Variants in GASK1B observed in about 807,000 individuals in gnomAD.
GASK1B encodes the protein Golgi-associated kinase 1B.
GASK1B carries 34 observed loss-of-function variants against 42.8 expected under a neutral mutation model. The ratio of observed to expected loss-of-function variants is 0.79; its 90% CI spans 0.60 to 1.06. GASK1B has a LOEUF of 1.06. GASK1B is among the 50% of genes least tolerant of loss of function. The pLI is 0.00. For synonymous variants in GASK1B, 262 were observed against 259.1 expected (o/e 1.01, Z -0.11); for missense variants, 686 against 661.0 (o/e 1.04, Z -0.42).
chr4:158,170,569 C>A lies in GASK1B; in HGVS notation c.807G>T (p.Lys269Asn). Residue 269 changes from lysine to asparagine, a missense_variant, in exon 2 of 5, where the codon AAG (lysine) becomes AAT (asparagine). Lys to Asn is a moderately conservative substitution (Grantham distance 94). Coordinates refer to ENST00000585682, the MANE Select transcript of GASK1B (RefSeq NM_001128424.2). ...RCGPSPCGLLKQPLDMSEVFA... is the reference protein window; with the variant it reads ...RCGPSPCGLLNQPLDMSEVFA... ...ACACCTCACTCATGTCCAAGGGCTG[C>A]TTGAGAAGCCCACAGGGGCTAGGGC... 6.2e-7 allele frequency: 1 copy of A among 1,614,186 alleles called. No individual in the cohort carries two copies. The highest frequency in any genetic ancestry group is 8.5e-7 in the Non-Finnish European group (1 of 1,180,038).
chr4:158,136,746 T>C (rs1019515829), intron 3 of GASK1B, among the ~76,000 whole-genome samples: 1 of 152,208 alleles, frequency 6.6e-6, no homozygotes, highest in Admixed American at 6.5e-5. Context: ...CACCATCTCT[T>C]TTCAAATGAT....
intron 3 of GASK1B, among the ~76,000 whole-genome samples, chr4:158,132,342 T>C (rs1730715465): frequency 6.6e-6 from 1 of 152,178 alleles, no homozygotes; most frequent in Non-Finnish European, 1.5e-5. Flanking sequence ...ACCAGCTGCT[T>C]AGAAAGGGAT....
chr4:158,163,881 C>T (rs1230568900), intron 2 of GASK1B, among the ~76,000 whole-genome samples: 3 of 152,160 alleles, frequency 2.0e-5, no homozygotes, highest in African/African-American at 7.2e-5. Flanking sequence ...GGGGCAGTGC[C>T]TCACACATAA....
chr4:158,146,738 T>C (rs1340423039), intron 3 of GASK1B, among the ~76,000 whole-genome samples: 1 of 152,136 alleles, frequency 6.6e-6, no homozygotes, highest in African/African-American at 2.4e-5. Flanking sequence ...AAAAAGCAAG[T>C]TTTCTACCTC....
intron 3 of GASK1B, among the ~76,000 whole-genome samples, chr4:158,139,863 G>A (rs1161243472): frequency 6.6e-6 from 1 of 152,140 alleles, no homozygotes; most frequent in Non-Finnish European, 1.5e-5. Context: ...GTTTCCTCAA[G>A]ACAACCATTG....
chr4:158,138,547 T>C (rs1730994623), intron 3 of GASK1B, among the ~76,000 whole-genome samples: 1 of 152,154 alleles, frequency 6.6e-6, no homozygotes, highest in Non-Finnish European at 1.5e-5. Context: ...AACATGTTCA[T>C]TTATATCTGA....
intron 3 of GASK1B, among the ~76,000 whole-genome samples, chr4:158,141,442 G>A (rs569754982): frequency 1.3e-5 from 2 of 151,480 alleles, no homozygotes; most frequent in South Asian, 2.1e-4. Flanking sequence ...ATGAGTTAGG[G>A]TGGCTAGGCT....
At chr4:158,143,845 A>T (rs1008697578) in intron 3 of GASK1B, among the ~76,000 whole-genome samples, 2 of 152,180 alleles carry the variant, frequency 1.3e-5, no homozygotes, top group Middle Eastern at 3.2e-3. Flanking sequence ...ATTAAAAAAA[A>T]TCCTTTGTGC....
chr4:158,148,880 T>C (rs1731432465), intron 3 of GASK1B, among the ~76,000 whole-genome samples: 1 of 152,214 alleles, frequency 6.6e-6, no homozygotes, highest in African/African-American at 2.4e-5. Flanking sequence ...CAGCTGGAAT[T>C]TGTTCTTGCT....
In GASK1B at chr4:158,126,753, C is replaced by A. The variant is rs1730467906; in HGVS notation, c.*654G>T. 1 of 151,860 alleles carries A rather than the reference C, an allele frequency of 6.6e-6. No individual in the cohort carries two copies. The highest frequency in any genetic ancestry group is 2.1e-4 in the South Asian group (1 of 4,810). The allele number at this position is 151,860 out of a possible 1,614,324, so 9.4% of individuals were successfully genotyped here. ...CAGATGTGAATGATTTCCATAGGGA[C>A]AACAAAATAAATTTCTAAAAAGGAA... is the stretch of plus-strand genomic sequence containing the variant. On this transcript the variant is annotated 3_prime_UTR_variant, in exon 5 of 5. Transcript: ENST00000585682.
Position 158,127,397 on chromosome 4 carries a change from G to A in GASK1B, c.*10C>T. 9 of 1,608,552 alleles carry A rather than the reference G, an allele frequency of 5.6e-6. No homozygotes were observed. The highest frequency in any genetic ancestry group is 7.6e-6 in the Non-Finnish European group (9 of 1,176,688). On this transcript the variant is annotated 3_prime_UTR_variant, in exon 5 of 5. Transcript: ENST00000585682. ...AATATATCTAACACCCTAGCCAGAA[G>A]ATTCTTTTGTCATTCATTCATAGGT...
chr4:158,162,362 C>A (rs1209041580), intron 2 of GASK1B, among the ~76,000 whole-genome samples: 1 of 152,144 alleles, frequency 6.6e-6, no homozygotes, highest in African/African-American at 2.4e-5. Flanking sequence ...CTCTGGATCT[C>A]CAACTTTTGA....
intron 3 of GASK1B, among the ~76,000 whole-genome samples, chr4:158,131,918 C>T (rs943686986): frequency 6.6e-6 from 1 of 152,084 alleles, no homozygotes; most frequent in Non-Finnish European, 1.5e-5. Flanking sequence ...AATATGTGTA[C>T]ACCCTCTGTC....
At chr4:158,139,924 G>A (rs1731049466) in intron 3 of GASK1B, among the ~76,000 whole-genome samples, 2 of 152,226 alleles carry the variant, frequency 1.3e-5, no homozygotes, top group South Asian at 4.1e-4. Flanking sequence ...TTGTCACACA[G>A]GATATTAAAA....
chr4:158,162,696 T>C (rs1345173766), intron 2 of GASK1B, among the ~76,000 whole-genome samples: 1 of 152,192 alleles, frequency 6.6e-6, no homozygotes, highest in Admixed American at 6.5e-5. Context: ...GTGGAAACAC[T>C]ACTGCCTCTC....
In GASK1B at chr4:158,147,656, A is replaced by G. The variant is rs141905364; in HGVS notation, c.1125+7955T>C. Among the ~76,000 whole-genome samples the G allele has an allele frequency of 3.2e-3, 486 of 152,038 alleles. 3 individuals are homozygous for G. The highest frequency in any genetic ancestry group is 4.8e-3 in the Non-Finnish European group (329 of 67,956). ...TTTAAATTAAAAAAAAACTTGTATG[A>G]TGGTGAATACAGGAAGTAAAAGAAT... On this transcript the variant is annotated intron_variant, in intron 3 of 4. Coordinates refer to ENST00000585682, the MANE Select transcript of GASK1B (RefSeq NM_001128424.2).
intron 4 of GASK1B, among the ~76,000 whole-genome samples, chr4:158,128,379 T>C (rs1414460872): frequency 6.6e-6 from 1 of 152,182 alleles, no homozygotes; most frequent in Non-Finnish European, 1.5e-5. Context: ...TGCTTGCTTT[T>C]CTTCGTTTAG....
chr4:158,143,064 T>C (rs759022560), intron 3 of GASK1B, among the ~76,000 whole-genome samples: 2 of 152,240 alleles, frequency 1.3e-5, no homozygotes, highest in Non-Finnish European at 2.9e-5. Flanking sequence ...TTTGACTAAA[T>C]CACTGCTCAA....
rs115962028 is a variant in GASK1B at position 158,127,707 on chromosome 4, T to A, written c.1353-93A>T. The A allele has an allele frequency of 1.7e-3, 1,861 of 1,119,746 alleles. 20 individuals carry two copies. The African/African-American group carries it at 0.025, about 15-fold the overall frequency. The allele number at this position is 1,119,746 out of a possible 1,614,324, so 69.4% of individuals were successfully genotyped here. On this transcript the variant is annotated intron_variant, in intron 4 of 4. Transcript: ENST00000585682. ...CTGCCTTTCATTAATCTGTCATAAA[T>A]CACACTAACAAATGGTATCTTTGAG...
Sources: allele counts gnomAD v4.1 joint callset (sites outside exome capture counted in the v4.1 genomes callset), GRCh38; gene constraint gnomAD v4.1.1; transcripts MANE v1.5; gene names NCBI Gene and HGNC (gene_info 2026-07-23, HGNC 2026-07-21).